Variants in OXR1 observed in about 807,000 individuals in gnomAD.
OXR1 encodes the protein oxidation resistance protein 1.
In OXR1, 41 loss-of-function variants were observed where a neutral mutation model predicts 104.6. The observed-to-expected ratio is 0.39, with a 90% CI of 0.31 to 0.51. OXR1 has a LOEUF of 0.51. Among genes scored for constraint, OXR1 ranks in the 20% least tolerant of loss-of-function variants. The probability of loss-of-function intolerance (pLI) is 0.77; values close to 1 mark genes in which losing one functional copy is unlikely to be tolerated. For synonymous variants in OXR1, 348 were observed against 348.4 expected, an observed-to-expected ratio of 1.00 and a Z score of 0.01; for missense variants, 955 against 1,031.9, an observed-to-expected ratio of 0.93 and a Z score of 1.02.
At chr8:106,676,972 T>A (rs1215437383) in intron 3 of OXR1, among the ~76,000 whole-genome samples, 2 of 152,138 alleles carry the variant, frequency 1.3e-5, no homozygotes, top group Non-Finnish European at 2.9e-5. Flanking sequence ...TGAACTGCAT[T>A]CTGTGGTGAG....
intron 2 of OXR1, among the ~76,000 whole-genome samples, chr8:106,438,297 A>G (rs1205357263): frequency 6.6e-6 from 1 of 152,126 alleles, no homozygotes; most frequent in Non-Finnish European, 1.5e-5. Context: ...GGTTATATCT[A>G]CCTATGTTAA....
intron 3 of OXR1, among the ~76,000 whole-genome samples, chr8:106,615,331 C>G (rs531853087): frequency 6.6e-6 from 1 of 151,574 alleles, no homozygotes; most frequent in South Asian, 2.1e-4. Context: ...ACTCAGGAGG[C>G]TGAGGCAGGA....
At chr8:106,337,700 C>T (rs1210422287) in intron 1 of OXR1, among the ~76,000 whole-genome samples, 2 of 152,098 alleles carry the variant, frequency 1.3e-5, no homozygotes, top group Non-Finnish European at 2.9e-5. Flanking sequence ...TTCTTGAGGT[C>T]ATATCTTTTC....
Position 106,457,345 on chromosome 8 carries a change from C to T in OXR1, c.24-61598C>T, listed in dbSNP as rs148634222. 3.3e-3 allele frequency among the ~76,000 whole-genome samples: 507 copies of T among 152,264 alleles called. 2 individuals are homozygous for T. Among genetic ancestry groups the T allele is most frequent in the African/African-American group, 0.011 (440 of 41,532 alleles). ...GGATGATGCAGCAGGAAGGTCCTCA[C>T]AAGTTGCTGGCACCTTGATATTGGA... On this transcript the variant is annotated intron_variant, in intron 2 of 16. Transcript: ENST00000517566.
rs552750071 is a variant in OXR1, at chr8:106,716,556, G to A, written c.1956+2571G>A. The stretch of plus-strand genomic sequence containing the variant: ...GGAGAATGGCGTGAACCCGGGAAGC[G>A]GAGCTTGCAGTGAGCCGAGATTGCG... On this transcript the variant is annotated intron_variant, in intron 11 of 16. Transcript: ENST00000517566. Among the ~76,000 whole-genome samples the A allele has an allele frequency of 7.2e-3, 274 of 38,146 alleles. 68 individuals carry two copies. Among genetic ancestry groups the A allele is most frequent in the African/African-American group, 0.043 (258 of 5,972 alleles). The allele number at this position is 38,146 out of a possible 152,430, so 25.0% of individuals were successfully genotyped here.
chr8:106,456,732 T>C (rs1054492282), intron 2 of OXR1, among the ~76,000 whole-genome samples: 1 of 152,138 alleles, frequency 6.6e-6, no homozygotes, highest in African/African-American at 2.4e-5. Context: ...GCGTTGTTAA[T>C]CCCTCTGCCC....
At chr8:106,589,141 G>A (rs146649891) in intron 3 of OXR1, among the ~76,000 whole-genome samples, 2 of 152,174 alleles carry the variant, frequency 1.3e-5, no homozygotes, top group East Asian at 1.9e-4. Context: ...GGGAGAGAGC[G>A]AGCAGGTGCT....
intron 2 of OXR1, among the ~76,000 whole-genome samples, chr8:106,465,950 A>G (rs1821151006): frequency 6.6e-6 from 1 of 151,958 alleles, no homozygotes; most frequent in Non-Finnish European, 1.5e-5. Flanking sequence ...AAATTTATTC[A>G]TTTGCAAATG....
chr8:106,659,491 A>C (rs1370730820), intron 3 of OXR1, among the ~76,000 whole-genome samples: 2 of 152,238 alleles, frequency 1.3e-5, no homozygotes, highest in Admixed American at 6.5e-5. Context: ...ACGTTAACCA[A>C]ATGCAGAATC....
At chr8:106,282,324 C>T (rs1001303215) in intron 1 of OXR1, among the ~76,000 whole-genome samples, 12 of 152,186 alleles carry the variant, frequency 7.9e-5, no homozygotes, top group African/African-American at 2.9e-4. Context: ...CACATTACAG[C>T]TGTTTGCAGA....
intron 3 of OXR1, among the ~76,000 whole-genome samples, chr8:106,567,357 C>T (rs1422587691): frequency 2.0e-5 from 3 of 152,126 alleles, no homozygotes; most frequent in Non-Finnish European, 4.4e-5. Flanking sequence ...ACCAGATTCT[C>T]TGAAATTTTA....
intron 1 of OXR1, among the ~76,000 whole-genome samples, chr8:106,292,614 G>C (rs1812802555): frequency 6.6e-6 from 1 of 152,180 alleles, no homozygotes; most frequent in African/African-American, 2.4e-5. Context: ...AGGGACTACT[G>C]TACATAATAA....
At chr8:106,309,129 C>T (rs1813592075) in intron 1 of OXR1, among the ~76,000 whole-genome samples, 1 of 152,010 alleles carries the variant, frequency 6.6e-6, no homozygotes, top group Non-Finnish European at 1.5e-5. Flanking sequence ...AGGTGTGTAC[C>T]ATTATGCCCA....
intron 1 of OXR1, among the ~76,000 whole-genome samples, chr8:106,345,038 A>T (rs1815420253): frequency 6.6e-6 from 1 of 152,186 alleles, no homozygotes; most frequent in African/African-American, 2.4e-5. Flanking sequence ...AACATTTGCC[A>T]TAGTTTCTGT....
chr8:106,511,624 A>G lies in OXR1; in HGVS notation c.24-7319A>G, dbSNP rs114194257. Reference sequence around the variant, plus strand: ...CAAAGTGAGAATGTGTATAGCTACTACTAGTATATAGATTTCTGTGGAATT... The same window carrying G: ...CAAAGTGAGAATGTGTATAGCTACTGCTAGTATATAGATTTCTGTGGAATT... On this transcript the variant is annotated intron_variant, in intron 2 of 16. Transcript: ENST00000517566. 8.1e-3 allele frequency among the ~76,000 whole-genome samples: 1,235 copies of G among 152,278 alleles called. 21 individuals are homozygous for G. Among genetic ancestry groups the G allele is most frequent in the African/African-American group, 0.028 (1,170 of 41,540 alleles).
At chr8:106,321,482 T>TA (rs1814215041) in intron 1 of OXR1, among the ~76,000 whole-genome samples, 1 of 152,236 alleles carries the variant, frequency 6.6e-6, no homozygotes. Flanking sequence ...GTGGTGGTGG[T>TA]AGTGGTAGTG....
intron 3 of OXR1, among the ~76,000 whole-genome samples, chr8:106,523,990 A>G (rs2130158262): frequency 6.6e-6 from 1 of 152,094 alleles, no homozygotes; most frequent in Admixed American, 6.5e-5. Context: ...GTTAGCCAGG[A>G]TGATCTCGAT....
intron 7 of OXR1, chr8:106,697,733 A>G (rs1830193993): frequency 6.2e-7 from 1 of 1,613,846 alleles, no homozygotes; most frequent in Non-Finnish European, 8.5e-7. Context: ...AGGAACTGAG[A>G]GATCTTCTCC....
intron 1 of OXR1, among the ~76,000 whole-genome samples, chr8:106,274,491 CTTG>C (rs1487054403): frequency 6.6e-6 from 1 of 152,072 alleles, no homozygotes; most frequent in Non-Finnish European, 1.5e-5. Context: ...TACTTCCTTT[CTTG>C]TTCTAATAAC....
Sources: gnomAD v4.1 joint callset for allele counts (sites outside exome capture counted in the v4.1 genomes callset) on GRCh38, gnomAD v4.1.1 for gene constraint, MANE v1.5 for transcripts, NCBI Gene and HGNC (gene_info 2026-07-23, HGNC 2026-07-21) for gene names.